NFIA: variants seen among roughly 807,000 people sequenced by gnomAD.
NFIA encodes the protein nuclear factor 1 A-type.
In NFIA, 8 loss-of-function variants were observed where a neutral mutation model predicts 62.8. The observed-to-expected ratio is 0.13, with a 90% CI of 0.07 to 0.23. The LOEUF (loss-of-function observed/expected upper bound fraction) is 0.23, where lower values mean the gene tolerates loss of function less well. Ranked by LOEUF, NFIA falls within the 10% of genes least tolerant of loss-of-function variation. The pLI is 1.00. For synonymous variants in NFIA, 235 were observed against 238.1 expected (o/e 0.99, Z 0.12); for missense variants, 410 against 642.1 (o/e 0.64, Z 3.91).
At chr1:61,420,457 T>C (rs541547727) in intron 9 of NFIA, among the ~76,000 whole-genome samples, 7 of 152,158 alleles carry the variant, frequency 4.6e-5, no homozygotes, top group Admixed American at 2.0e-4. Flanking sequence ...CACCTCCTTG[T>C]TTCAGTTTGC....
At chr1:61,174,615 A>G (rs1650198792) in intron 2 of NFIA, among the ~76,000 whole-genome samples, 1 of 152,218 alleles carries the variant, frequency 6.6e-6, no homozygotes, top group Admixed American at 6.5e-5. Flanking sequence ...AGTAGCTGAC[A>G]TCTGCCATTT....
intron 2 of NFIA, among the ~76,000 whole-genome samples, chr1:61,214,345 C>G (rs2100607731): frequency 6.6e-6 from 1 of 150,816 alleles, no homozygotes; most frequent in East Asian, 2.0e-4. Context: ...AAAAAAAAGT[C>G]CTGGAAAGCC....
intron 6 of NFIA, among the ~76,000 whole-genome samples, chr1:61,375,241 G>T (rs1048038032): frequency 3.3e-5 from 5 of 152,176 alleles, no homozygotes; most frequent in Admixed American, 6.5e-5. Flanking sequence ...GATGGTGGAT[G>T]ACTTGCAAAA....
rs141779107 is a variant in NFIA, at chr1:61,448,822, A to G, written c.1513-6481A>G. On this transcript the variant is annotated intron_variant, in intron 10 of 10. Transcript: ENST00000403491. ...TGAAAAATGGAAAGGAAGGGAGACC[A>G]AAAGAAAAATGTACTTGGTGGTAAG... is the stretch of plus-strand genomic sequence containing the variant. 2.2e-3 allele frequency among the ~76,000 whole-genome samples: 338 copies of G among 152,346 alleles called. 1 individual carries two copies. The highest frequency in any genetic ancestry group is 7.8e-3 in the African/African-American group (326 of 41,588).
At chr1:61,297,407 A>G (rs547481161) in intron 3 of NFIA, among the ~76,000 whole-genome samples, 2 of 152,298 alleles carry the variant, frequency 1.3e-5, no homozygotes, top group East Asian at 3.9e-4. Flanking sequence ...CATAGCTTAC[A>G]TTACTTAAAC....
intron 2 of NFIA, among the ~76,000 whole-genome samples, chr1:61,190,489 C>G (rs1299949291): frequency 6.6e-6 from 1 of 152,208 alleles, no homozygotes; most frequent in African/African-American, 2.4e-5. Flanking sequence ...TATTTTCCTT[C>G]TAAAACAGAC....
intron 10 of NFIA, among the ~76,000 whole-genome samples, chr1:61,428,078 A>C (rs963699278): frequency 2.6e-5 from 4 of 152,172 alleles, no homozygotes; most frequent in Non-Finnish European, 4.4e-5. Context: ...AATGTCCTCA[A>C]GTTGCTTCAT....
At chr1:61,447,046 A>G (rs1667841489) in intron 10 of NFIA, among the ~76,000 whole-genome samples, 1 of 152,136 alleles carries the variant, frequency 6.6e-6, no homozygotes, top group South Asian at 2.1e-4. Context: ...CGATGTGTAG[A>G]AAACATACAT....
intron 3 of NFIA, among the ~76,000 whole-genome samples, chr1:61,279,341 T>A (rs1657997014): frequency 6.6e-6 from 1 of 152,026 alleles, no homozygotes; most frequent in Non-Finnish European, 1.5e-5. Context: ...ATTCCTCTCC[T>A]CATCCTGGTA....
chr1:61,279,887 C>A (rs1658030511), intron 3 of NFIA, among the ~76,000 whole-genome samples: 1 of 152,186 alleles, frequency 6.6e-6, no homozygotes, highest in African/African-American at 2.4e-5. Context: ...GCCAAGTTCA[C>A]TTTTAACCTC....
intron 2 of NFIA, among the ~76,000 whole-genome samples, chr1:61,266,017 G>T (rs560239552): frequency 3.0e-4 from 45 of 152,288 alleles, no homozygotes; most frequent in African/African-American, 1.1e-3. Flanking sequence ...GAGAGTCTTA[G>T]CCTTGAATGC....
Position 61,333,511 on chromosome 1 carries a change from A to C in NFIA, c.700+925A>C, listed in dbSNP as rs1444461874. Among the ~76,000 whole-genome samples the C allele has an allele frequency of 4.6e-5, 7 of 152,198 alleles. No homozygotes were observed. In the East Asian group the frequency reaches 1.3e-3, roughly 29 times the overall value. On this transcript the variant is annotated intron_variant, in intron 4 of 10. Transcript: ENST00000403491. ...CATAGGCTAGGAGAGTCTTGAGAGC[A>C]CAGAATGTGATACACAGTGTGGGAA...
chr1:61,096,547 C>CTTTTT (rs369305204), intron 2 of NFIA, among the ~76,000 whole-genome samples: 12 of 80,592 alleles, frequency 1.5e-4, no homozygotes, highest in African/African-American at 1.6e-4. Flanking sequence ...AAGATTAGTT[C>CTTTTT]TTTTTTTTTT....
At chr1:61,361,924 C>T (rs1379299747) in intron 6 of NFIA, among the ~76,000 whole-genome samples, 1 of 151,780 alleles carries the variant, frequency 6.6e-6, no homozygotes, top group Non-Finnish European at 1.5e-5. Flanking sequence ...AATGCAGTTT[C>T]ATGGTATATG....
chr1:61,320,948 C>T (rs761782033), intron 3 of NFIA, among the ~76,000 whole-genome samples: 2 of 152,100 alleles, frequency 1.3e-5, no homozygotes, highest in Non-Finnish European at 2.9e-5. Flanking sequence ...GAAACTAAAG[C>T]TATTACAAAT....
intron 2 of NFIA, among the ~76,000 whole-genome samples, chr1:61,090,022 T>A (rs2100417648): frequency 6.6e-6 from 1 of 152,274 alleles, no homozygotes. Flanking sequence ...TACTTAATTA[T>A]AAGAATTGCC....
chr1:61,140,105 A>G (rs1647393426), intron 2 of NFIA, among the ~76,000 whole-genome samples: 1 of 152,172 alleles, frequency 6.6e-6, no homozygotes, highest in African/African-American at 2.4e-5. Context: ...AAATCCTTGT[A>G]TGACCCTGAG....
chr1:61,242,977 AG>A (rs1402809119), intron 2 of NFIA, among the ~76,000 whole-genome samples: 1 of 152,026 alleles, frequency 6.6e-6, no homozygotes, highest in Admixed American at 6.6e-5. Context: ...CTCTATCACA[AG>A]GGGTAGTCAA....
intron 2 of NFIA, among the ~76,000 whole-genome samples, chr1:61,264,450 C>T (rs1345527757): frequency 2.6e-5 from 4 of 151,618 alleles, no homozygotes; most frequent in Non-Finnish European, 5.9e-5. Context: ...TCAGGACCAG[C>T]CTAGCCAACA....
Sources: gnomAD v4.1 joint callset for allele counts (sites outside exome capture counted in the v4.1 genomes callset) on GRCh38, gnomAD v4.1.1 for gene constraint, MANE v1.5 for transcripts, NCBI Gene and HGNC (gene_info 2026-07-23, HGNC 2026-07-21) for gene names.